Variants in WRN observed in about 807,000 individuals in gnomAD.
WRN encodes the protein WRN RecQ like helicase.
WRN carries 149 observed loss-of-function variants against 180.7 expected under a neutral mutation model. That is an observed-to-expected ratio of 0.82 (90% CI 0.72 to 0.94). The LOEUF (loss-of-function observed/expected upper bound fraction) is 0.94. Ranked by LOEUF, WRN falls within the 40% of genes least tolerant of loss-of-function variation. The probability of loss-of-function intolerance (pLI) is 0.00; values close to 1 mark genes in which losing one functional copy is unlikely to be tolerated. For missense variants in WRN, 1,661 were observed against 1,700.1 expected, an observed-to-expected ratio of 0.98 and a Z score of 0.40; for synonymous variants, 548 against 568.9, an observed-to-expected ratio of 0.96 and a Z score of 0.52.
chr8:31,130,831 G>A (rs1802134701), intron 23 of WRN, among the ~76,000 whole-genome samples: 1 of 152,044 alleles, frequency 6.6e-6, no homozygotes, highest in South Asian at 2.1e-4. Flanking sequence ...ATTGAACAAG[G>A]TATGCAAGGA....
At chr8:31,121,146 T>A (rs546852818) in intron 21 of WRN, among the ~76,000 whole-genome samples, 1 of 152,120 alleles carries the variant, frequency 6.6e-6, no homozygotes, top group Admixed American at 6.6e-5. Flanking sequence ...ACCAATACTT[T>A]GTTCCTTCAT....
At chr8:31,048,890 CT>C (rs1050903769) in intron 1 of WRN, among the ~76,000 whole-genome samples, 2 of 152,082 alleles carry the variant, frequency 1.3e-5, no homozygotes, top group African/African-American at 4.8e-5. Flanking sequence ...CTTGAAATCT[CT>C]TTTTTAATAT....
chr8:31,070,041 C>CT (rs1327455112), intron 7 of WRN, among the ~76,000 whole-genome samples: 1 of 151,914 alleles, frequency 6.6e-6, no homozygotes, highest in Non-Finnish European at 1.5e-5. Flanking sequence ...TTGACCTTCA[C>CT]TTTTTTTCCC....
chr8:31,096,711 A>C, intron 16 of WRN, 57 bp from the exon 17 acceptor site: 1 of 1,335,958 alleles, frequency 7.5e-7, no homozygotes, highest in South Asian at 1.3e-5. Context: ...CTTTATTGTT[A>C]ATATGTTTCC....
chr8:31,139,996 CTTCT>C (rs1342825016), intron 24 of WRN, among the ~76,000 whole-genome samples: 1 of 105,336 alleles, frequency 9.5e-6, no homozygotes, highest in African/African-American at 3.7e-5. Context: ...TGTTTGTATA[CTTCT>C]TTGTTTTTTT....
intron 23 of WRN, among the ~76,000 whole-genome samples, chr8:31,125,798 A>G (rs1267210242): frequency 2.0e-5 from 3 of 150,836 alleles, no homozygotes; most frequent in African/African-American, 7.3e-5. Context: ...GCCCACCCAC[A>G]TTATTGACAA....
At chr8:31,063,569 A>G (rs1187962870) in intron 3 of WRN, among the ~76,000 whole-genome samples, 1 of 152,178 alleles carries the variant, frequency 6.6e-6, no homozygotes, top group Non-Finnish European at 1.5e-5. Context: ...TTATACATGA[A>G]CCACCGATAG....
In WRN at chr8:31,162,046, A is replaced by G. The variant is rs190120962; in HGVS notation, c.3982+4516A>G. On this transcript the variant is annotated intron_variant, in intron 33 of 34. Coordinates refer to ENST00000298139, the MANE Select transcript of WRN (RefSeq NM_000553.6). The stretch of plus-strand genomic sequence containing the variant: ...CCTGTGATACGAGTCTACCTACTGT[A>G]TAACGTACCTGCATATGTACCCTTG... Among the ~76,000 whole-genome samples the G allele has an allele frequency of 4.6e-5, 7 of 152,208 alleles. No homozygotes were observed. In the East Asian group the frequency reaches 1.4e-3, roughly 29 times the overall value.
rs587778755 is a variant in WRN, at chr8:31,081,267, C to G, written c.1240C>G (p.Leu414Val). The change falls in exon 9 of 35, where the codon CTT becomes GTT. Residue 414 changes from leucine (L) to valine (V), a missense_variant. By Grantham distance (32) the Leu-to-Val change is conservative. This residue lies in a region of WRN where 500 missense variants were observed against 504.1 expected (regional missense o/e 0.99). Coordinates refer to ENST00000298139, the MANE Select transcript of WRN (RefSeq NM_000553.6). ...ILEQQSQEEYLSDIAYKSTEH... is the reference protein window; with the variant it reads ...ILEQQSQEEYVSDIAYKSTEH... The stretch of plus-strand genomic sequence containing the variant: ...GGAACAGCAGTCTCAGGAAGAATAT[C>G]TTAGTGATATTGCTTATAAATCTAC... 19 of 1,613,294 alleles carry G rather than the reference C, an allele frequency of 1.2e-5. No homozygotes were observed. Among genetic ancestry groups the G allele is most frequent in the East Asian group, 8.9e-5 (4 of 44,844 alleles).
At chr8:31,159,160 C>T (rs115234433) in intron 33 of WRN, among the ~76,000 whole-genome samples, 27 of 152,014 alleles carry the variant, frequency 1.8e-4, no homozygotes, top group Middle Eastern at 3.4e-3. Context: ...ATTAGCCAGA[C>T]GTGGTGGCAT....
intron 18 of WRN, among the ~76,000 whole-genome samples, chr8:31,103,808 C>T (rs1172844798): frequency 1.3e-5 from 2 of 152,036 alleles, no homozygotes; most frequent in African/African-American, 2.4e-5. Flanking sequence ...GATCTCGGCT[C>T]GCTGCAAGCT....
At chr8:31,144,201 A>G (rs1218034873) in intron 28 of WRN, among the ~76,000 whole-genome samples, 1 of 152,128 alleles carries the variant, frequency 6.6e-6, no homozygotes, top group African/African-American at 2.4e-5. Flanking sequence ...TTCTGTTGTC[A>G]TGTCTTTGTG....
At chr8:31,131,958 CTTTTTT>C (rs71208103) in intron 23 of WRN, among the ~76,000 whole-genome samples, 28 of 123,134 alleles carry the variant, frequency 2.3e-4, no homozygotes, top group African/African-American at 4.8e-4. Context: ...AGCTGAAAGG[CTTTTTT>C]TTTTTTTTTT....
intron 24 of WRN, among the ~76,000 whole-genome samples, chr8:31,140,319 C>T (rs1802569920): frequency 1.3e-5 from 2 of 151,930 alleles, no homozygotes; most frequent in South Asian, 4.2e-4. Flanking sequence ...CTGTGCCTGG[C>T]CCATATACTA....
At chr8:31,162,258 T>C (rs907080152) in intron 33 of WRN, among the ~76,000 whole-genome samples, 2 of 152,234 alleles carry the variant, frequency 1.3e-5, no homozygotes, top group Admixed American at 1.3e-4. Context: ...TCTCTAAGAT[T>C]TTTTCTGTTT....
rs927949994 is a variant in WRN at position 31,175,878 on chromosome 8, C to G, written c.*2776C>G. On this transcript the variant is annotated 3_prime_UTR_variant, in exon 35 of 35. Coordinates refer to ENST00000298139, the MANE Select transcript of WRN (RefSeq NM_000553.6). Reference sequence around the variant, plus strand: ...TTTATGTTAATGTGTACTTGGTTTACTACTGCTATTTTTAAATAAAACAAG... The same window carrying G: ...TTTATGTTAATGTGTACTTGGTTTAGTACTGCTATTTTTAAATAAAACAAG... Among the ~76,000 whole-genome samples, 5 of 152,168 alleles carry G rather than the reference C, an allele frequency of 3.3e-5. No homozygotes were observed. Among genetic ancestry groups the G allele is most frequent in the African/African-American group, 1.2e-4 (5 of 41,446 alleles).
chr8:31,042,768 A>G (rs1811706730), intron 1 of WRN, among the ~76,000 whole-genome samples: 1 of 152,234 alleles, frequency 6.6e-6, no homozygotes, highest in Non-Finnish European at 1.5e-5. Context: ...TTTCATATCT[A>G]GGAATCTATC....
intron 34 of WRN, among the ~76,000 whole-genome samples, chr8:31,169,458 C>G (rs983484779): frequency 1.3e-5 from 2 of 151,544 alleles, no homozygotes; most frequent in African/African-American, 4.8e-5. Context: ...TTGAACTTTT[C>G]TAATTTTGAT....
chr8:31,113,989 A>G (rs978677019), intron 19 of WRN, among the ~76,000 whole-genome samples: 4 of 93,712 alleles, frequency 4.3e-5, no homozygotes, highest in African/African-American at 1.6e-4. Context: ...GGTATTTAAT[A>G]TGAATTTTTT....
Sources: gnomAD v4.1 joint callset for allele counts (sites outside exome capture counted in the v4.1 genomes callset) on GRCh38, gnomAD v4.1.1 for gene constraint, gnomAD v4.1.1 regional missense constraint, MANE v1.5 for transcripts, NCBI Gene and HGNC (gene_info 2026-07-23, HGNC 2026-07-21) for gene names.